MAGI1: variants seen among roughly 807,000 people sequenced by gnomAD.
The protein encoded by MAGI1 is membrane-associated guanylate kinase, WW and PDZ domain-containing protein 1.
MAGI1 carries 58 observed loss-of-function variants against 139.9 expected under a neutral mutation model. The observed-to-expected ratio is 0.41, with a 90% CI of 0.34 to 0.52. The LOEUF is 0.52. Among genes scored for constraint, MAGI1 ranks in the 20% least tolerant of loss-of-function variants. MAGI1 has a pLI of 0.12. For synonymous variants in MAGI1, 812 were observed against 737.9 expected, an observed-to-expected ratio of 1.10 and a Z score of -1.63; for missense variants, 1,874 against 1,901.6, an observed-to-expected ratio of 0.99 and a Z score of 0.27.
chr3:65,878,346 G>T (rs1009419519), intron 1 of MAGI1, among the ~76,000 whole-genome samples: 1 of 151,918 alleles, frequency 6.6e-6, no homozygotes, highest in Non-Finnish European at 1.5e-5. Context: ...GTGAAACCTC[G>T]TCTCGACAGA....
chr3:65,823,439 T>C (rs75901651), intron 1 of MAGI1, among the ~76,000 whole-genome samples: 10,794 of 152,298 alleles, frequency 0.071, 612 homozygotes, highest in South Asian at 0.22. Context: ...TCAATAAATA[T>C]TTGTTAAATG....
intron 1 of MAGI1, among the ~76,000 whole-genome samples, chr3:65,749,237 G>A (rs1051420662): frequency 4.6e-5 from 7 of 152,146 alleles, no homozygotes; most frequent in African/African-American, 1.2e-4. Context: ...GTCTGTAAGT[G>A]CATGATGCAA....
intron 1 of MAGI1, among the ~76,000 whole-genome samples, chr3:65,776,468 G>C (rs1424120780): frequency 6.6e-6 from 1 of 152,086 alleles, no homozygotes; most frequent in Non-Finnish European, 1.5e-5. Context: ...AATAAAAAGA[G>C]ATCTTGTCAA....
At chr3:65,637,596 G>GAAAGAAAA (rs2084712739) in intron 1 of MAGI1, among the ~76,000 whole-genome samples, 1 of 150,492 alleles carries the variant, frequency 6.6e-6, no homozygotes, top group Non-Finnish European at 1.5e-5. Context: ...AAGAAAGAAA[G>GAAAGAAAA]AAAGAAAGAA....
intron 5 of MAGI1, among the ~76,000 whole-genome samples, chr3:65,456,989 TGAC>T (rs141505883): frequency 0.014 from 2,132 of 152,310 alleles, 53 homozygotes; most frequent in African/African-American, 0.049. Context: ...CTAATTACTA[TGAC>T]TTCATTCTTC....
At chr3:65,639,165 T>C (rs980875222) in intron 1 of MAGI1, among the ~76,000 whole-genome samples, 1 of 152,228 alleles carries the variant, frequency 6.6e-6, no homozygotes, top group African/African-American at 2.4e-5. Flanking sequence ...TGTATATTGG[T>C]TGTCTTCTTA....
chr3:66,031,835 C>T (rs2068615020), intron 1 of MAGI1, among the ~76,000 whole-genome samples: 1 of 151,694 alleles, frequency 6.6e-6, no homozygotes, highest in African/African-American at 2.4e-5. Context: ...GGGAAAGAAT[C>T]ATTTTTAGGC....
intron 1 of MAGI1, among the ~76,000 whole-genome samples, chr3:65,963,982 A>G (rs1255821556): frequency 2.6e-5 from 4 of 152,328 alleles, no homozygotes; most frequent in East Asian, 1.9e-4. Context: ...CAAGCTTCCA[A>G]TGAAGGGCAG....
intron 1 of MAGI1, among the ~76,000 whole-genome samples, chr3:66,002,461 C>G (rs917330685): frequency 6.6e-6 from 1 of 152,028 alleles, no homozygotes; most frequent in African/African-American, 2.4e-5. Flanking sequence ...TCTGTCTTTT[C>G]TGAAATGACT....
intron 1 of MAGI1, among the ~76,000 whole-genome samples, chr3:65,967,611 T>C (rs1301479708): frequency 2.0e-5 from 3 of 152,146 alleles, no homozygotes; most frequent in Non-Finnish European, 4.4e-5. Flanking sequence ...CATCTCCCAA[T>C]TGAAAGTGTT....
Position 65,574,255 on chromosome 3 carries a change from A to G in MAGI1, c.430+47717T>C, listed in dbSNP as rs1027581172. 3.7e-4 allele frequency among the ~76,000 whole-genome samples: 56 copies of G among 151,004 alleles called. 1 individual carries two copies. The highest frequency in any genetic ancestry group is 1.2e-3 in the African/African-American group (48 of 41,130). ...CATATATATATGTATATATATATAC[A>G]TACATATATGTAAACTGCTTGCCAT... On this transcript the variant is annotated intron_variant, in intron 2 of 22. Coordinates refer to ENST00000402939, the MANE Select transcript of MAGI1 (RefSeq NM_001033057.2).
Position 65,761,441 on chromosome 3 carries a change from A to C in MAGI1, c.314-139353T>G, listed in dbSNP as rs534312062. ...GACCTAGTACCAGTCTTGTCAAGTA[A>C]GGACTCTTCAGAACTGCAGCAAAAT... On this transcript the variant is annotated intron_variant, in intron 1 of 22. Transcript: ENST00000402939. 4.6e-5 allele frequency among the ~76,000 whole-genome samples: 7 copies of C among 152,320 alleles called. No homozygotes were observed. The East Asian group carries it at 1.4e-3, about 29-fold the overall frequency.
chr3:65,716,356 C>G lies in MAGI1; in HGVS notation c.314-94268G>C, dbSNP rs533880861. On this transcript the variant is annotated intron_variant, in intron 1 of 22. Coordinates refer to ENST00000402939, the MANE Select transcript of MAGI1 (RefSeq NM_001033057.2). The stretch of plus-strand genomic sequence containing the variant: ...GGCTGTGAACATAAATATATTTCAT[C>G]CTGAGAAACTGCTCTGAGAAGGAAA... Among the ~76,000 whole-genome samples the G allele has an allele frequency of 3.3e-4, 50 of 152,282 alleles. 1 individual carries two copies. Among genetic ancestry groups the G allele is most frequent in the Admixed American group, 2.4e-3 (37 of 15,288 alleles).
At chr3:65,948,306 A>G (rs2063639409) in intron 1 of MAGI1, among the ~76,000 whole-genome samples, 1 of 152,196 alleles carries the variant, frequency 6.6e-6, no homozygotes, top group Non-Finnish European at 1.5e-5. Flanking sequence ...CTGGAATATT[A>G]TAAGATATAT....
At chr3:65,693,808 C>G (rs1026813391) in intron 1 of MAGI1, among the ~76,000 whole-genome samples, 2 of 152,002 alleles carry the variant, frequency 1.3e-5, no homozygotes, top group Admixed American at 1.3e-4. Flanking sequence ...ACTGCAACTT[C>G]TACATCCCGG....
intron 1 of MAGI1, among the ~76,000 whole-genome samples, chr3:65,889,434 T>C (rs951782281): frequency 2.6e-5 from 4 of 152,158 alleles, no homozygotes; most frequent in African/African-American, 9.7e-5. Flanking sequence ...CAGTACAGAG[T>C]CATGATTCTC....
intron 17 of MAGI1, 123 bp from the exon 18 acceptor site, chr3:65,376,068 G>C: frequency 1.4e-6 from 1 of 704,800 alleles, no homozygotes. Context: ...TTAAGCAAAT[G>C]TTATTAAAGG....
intron 1 of MAGI1, among the ~76,000 whole-genome samples, chr3:65,863,269 A>C (rs17073988): frequency 2.6e-5 from 4 of 151,936 alleles, no homozygotes; most frequent in African/African-American, 9.7e-5. Context: ...GACTATGCTC[A>C]CTCCTTTACT....
At chr3:66,037,969 G>GC (rs769459871) in intron 1 of MAGI1, 27 bp downstream of exon 1, 8 of 1,520,120 alleles carry the variant, frequency 5.3e-6, no homozygotes, top group South Asian at 1.3e-5. Flanking sequence ...TTCTCGGGGC[G>GC]CCCCCCAAAG....
Sources: gnomAD v4.1 joint callset for allele counts (sites outside exome capture counted in the v4.1 genomes callset) on GRCh38, gnomAD v4.1.1 for gene constraint, MANE v1.5 for transcripts, NCBI Gene and HGNC (gene_info 2026-07-23, HGNC 2026-07-21) for gene names.